MROH2B: variants seen among roughly 807,000 people sequenced by gnomAD.
MROH2B encodes maestro heat like repeat family member 2B.
Under a neutral mutation model 208.6 loss-of-function variants are expected in MROH2B, and 177 were observed. The ratio of observed to expected loss-of-function variants is 0.85; its 90% CI spans 0.75 to 0.96. MROH2B has a LOEUF of 0.96. MROH2B is among the 40% of genes least tolerant of loss of function. The probability of loss-of-function intolerance (pLI) is 0.00; values close to 1 mark genes in which losing one functional copy is unlikely to be tolerated. For synonymous variants in MROH2B, 728 were observed against 659.0 expected (o/e 1.10, Z -1.60); for missense variants, 2,002 against 1,878.7 (o/e 1.07, Z -1.21).
Position 41,004,492 on chromosome 5 carries a change from T to C in MROH2B, c.4048A>G (p.Ile1350Val), listed in dbSNP as rs538838769. Residue 1350 changes from isoleucine (I) to valine (V), a missense_variant, in exon 37 of 42, where the codon ATC becomes GTC. Ile to Val is a conservative substitution (Grantham distance 29). Transcript: ENST00000399564. ...KHKQLMLESIIRGLYHLARTE... is the reference protein window; with the variant it reads ...KHKQLMLESIVRGLYHLARTE... The stretch of plus-strand genomic sequence containing the variant: ...CGAGCTAGGTGATACAGGCCTCTGA[T>C]GATAGATTCTAGCATTAACTGCTTA... The C allele has an allele frequency of 1.9e-5, 31 of 1,612,844 alleles. No homozygotes were observed. In the South Asian group the frequency reaches 3.0e-4, roughly 15 times the overall value.
At chr5:41,053,491 TTC>T (rs1325741607) in intron 11 of MROH2B, among the ~76,000 whole-genome samples, 12 of 152,192 alleles carry the variant, frequency 7.9e-5, no homozygotes, top group Non-Finnish European at 1.5e-4. Flanking sequence ...ATTGTGTTGC[TTC>T]TCTGGAGGAT....
rs1401018203 is a variant in MROH2B, at chr5:41,048,192, ATCTACCT to A, written c.1684+125_1684+131del. The A allele has an allele frequency of 9.2e-4, 1,028 of 1,115,050 alleles. 1 individual carries two copies. Among genetic ancestry groups the A allele is most frequent in the Non-Finnish European group, 1.2e-3 (981 of 817,344 alleles). 69.1% of individuals were successfully genotyped at this position (1,115,050 alleles called of 1,614,324 possible). ...AGGAGTTAAGAAGAAAAAAATAGCT[ATCTACCT>A]TGCATATCAAGTTCATCATTTTTAT... is the stretch of plus-strand genomic sequence containing the variant. On this transcript the variant is annotated intron_variant, in intron 16 of 41. Coordinates refer to ENST00000399564, the MANE Select transcript of MROH2B (RefSeq NM_173489.5).
intron 37 of MROH2B, among the ~76,000 whole-genome samples, chr5:41,001,999 A>G (rs903416322): frequency 6.6e-6 from 1 of 152,204 alleles, no homozygotes; most frequent in African/African-American, 2.4e-5. Flanking sequence ...CTTGTTGGGA[A>G]GAGGCCAGAA....
chr5:40,999,738 G>A lies in MROH2B; in HGVS notation c.4524C>T (p.His1508=). The change falls in exon 40 of 42, where the codon CAC becomes CAT. Residue 1508 remains histidine (H), a synonymous_variant. Coordinates refer to ENST00000399564, the MANE Select transcript of MROH2B (RefSeq NM_173489.5). ...AGGTGCTGGTGAAGAAGGTGAAGGA[G>A]TGTGTGTGGAGGATCCACAGAATTT... The part of the protein sequence containing the change: ...NQEILWILHT[H]SFTFFTSTWE... 1.2e-6 allele frequency: 2 copies of A among 1,613,706 alleles called. No individual in the cohort carries two copies. Among genetic ancestry groups the A allele is most frequent in the Non-Finnish European group, 1.7e-6 (2 of 1,179,654 alleles).
At chr5:40,999,977 A>G in intron 39 of MROH2B, 198 bp from the exon 40 acceptor site, 2 of 679,094 alleles carry the variant, frequency 2.9e-6, no homozygotes, top group Non-Finnish European at 4.9e-6. Flanking sequence ...GGGATTAATC[A>G]ACAGATATGA....
chr5:41,047,741 A>T lies in MROH2B; in HGVS notation c.1708T>A (p.Trp570Arg). The T allele has an allele frequency of 6.3e-7, 1 of 1,595,222 alleles. No homozygotes were observed. Residue 570 changes from tryptophan to arginine, a missense_variant, in exon 17 of 42, where the codon TGG becomes AGG. Transcript: ENST00000399564. ...LEGKNISTVL[W>R]ETMLLQLLKE... ...CTTACCTGAAGCAGCATGGTTTCCC[A>T]TAGAACGGTACTGATGTTCTTTCCT...
At chr5:41,026,414 C>A (rs1415669418) in intron 24 of MROH2B, among the ~76,000 whole-genome samples, 3 of 152,138 alleles carry the variant, frequency 2.0e-5, no homozygotes, top group African/African-American at 7.2e-5. Flanking sequence ...AGAGCCAAAT[C>A]ATGAGTGAAC....
chr5:41,056,774 C>CAAAAAAA (rs34263761), intron 9 of MROH2B, among the ~76,000 whole-genome samples: 1 of 114,748 alleles, frequency 8.7e-6, no homozygotes. Context: ...TCTCAAATAC[C>CAAAAAAA]AAAAAAAAAA....
chr5:41,015,364 C>A lies in MROH2B; in HGVS notation c.2982+17G>T, dbSNP rs777183892. 5.0e-6 allele frequency: 8 copies of A among 1,603,472 alleles called. No homozygotes were observed. In the African/African-American group the frequency reaches 9.4e-5, roughly 19 times the overall value. ...ATCCAGAATCTTTACATCCCCTGGC[C>A]ACTCCATATTTATTACCTTAGCTAT... On this transcript the variant is annotated intron_variant, in intron 29 of 41. Coordinates refer to ENST00000399564, the MANE Select transcript of MROH2B (RefSeq NM_173489.5).
chr5:41,061,812 T>A, intron 5 of MROH2B, 88 bp from the exon 6 acceptor site: 1 of 1,353,414 alleles, frequency 7.4e-7, no homozygotes, highest in South Asian at 1.5e-5. Flanking sequence ...TGCTGATGAT[T>A]AGTAAATATG....
At chr5:41,058,567 C>A (rs1344243485) in intron 6 of MROH2B, among the ~76,000 whole-genome samples, 2 of 152,136 alleles carry the variant, frequency 1.3e-5, no homozygotes, top group Non-Finnish European at 2.9e-5. Flanking sequence ...AAGCAATTCT[C>A]CCGCCTCAGC....
intron 29 of MROH2B, among the ~76,000 whole-genome samples, chr5:41,014,252 G>A (rs1433920616): frequency 6.6e-6 from 1 of 152,118 alleles, no homozygotes; most frequent in African/African-American, 2.4e-5. Flanking sequence ...GTGCCCTTTT[G>A]CATTTCAAAA....
At chr5:41,000,439 A>T in intron 38 of MROH2B, 88 bp from the exon 39 acceptor site, 1 of 1,513,662 alleles carries the variant, frequency 6.6e-7, no homozygotes, top group Non-Finnish European at 8.9e-7. Flanking sequence ...CTGGGAAAGA[A>T]GCACTAAAAG....
chr5:41,048,572 T>A, intron 15 of MROH2B, 107 bp from the exon 16 acceptor site: 2 of 1,214,864 alleles, frequency 1.6e-6, no homozygotes, highest in Non-Finnish European at 2.2e-6. Context: ...CTGCATTGGA[T>A]AATCTTTTAA....
intron 1 of MROH2B, among the ~76,000 whole-genome samples, 163 bp from the exon 2 acceptor site, chr5:41,069,915 A>G (rs1394536049): frequency 6.6e-6 from 1 of 152,120 alleles, no homozygotes; most frequent in Non-Finnish European, 1.5e-5. Flanking sequence ...ATTCATATCC[A>G]TGACATAAAT....
At chr5:41,027,958 T>A (rs560342026) in intron 24 of MROH2B, among the ~76,000 whole-genome samples, 1 of 151,960 alleles carries the variant, frequency 6.6e-6, no homozygotes, top group South Asian at 2.1e-4. Context: ...AAACACCGCT[T>A]GTTCTCACTC....
rs775517002 is a variant in MROH2B at position 41,069,677 on chromosome 5, T to C, written c.90+14A>G. On this transcript the variant is annotated intron_variant, in intron 2 of 41. Coordinates refer to ENST00000399564, the MANE Select transcript of MROH2B (RefSeq NM_173489.5). The stretch of plus-strand genomic sequence containing the variant: ...ACTGAAAAAGGGAAAAAGATTTTTC[T>C]CTGTTTTCCCTACCTTGTTAACAAT... 3 of 1,584,832 alleles carry C rather than the reference T, an allele frequency of 1.9e-6. No homozygotes were observed. The highest frequency in any genetic ancestry group is 2.6e-6 in the Non-Finnish European group (3 of 1,162,034).
In MROH2B at chr5:41,017,902, G is replaced by C; in HGVS notation, c.2832C>G (p.Pro944=). The C allele has an allele frequency of 6.3e-7, 1 of 1,589,674 alleles. No homozygotes were observed. The highest frequency in any genetic ancestry group is 2.3e-5 in the East Asian group (1 of 44,218). The change falls in exon 28 of 42, where the codon CCC becomes CCG. Residue 944 remains proline (P), a synonymous_variant. Transcript: ENST00000399564. ...LLAPHSCDTL[P]TIRQAAASST... ...AGCTAGCAGCCGCCTGACGGATGGT[G>C]GGCAGGGTATCACAGGAGTGAGGAG...
In MROH2B at chr5:41,009,978, G is replaced by C. The variant is rs753325044; in HGVS notation, c.3237C>G (p.Ser1079Arg). ...TGACAACAACTGTATCCATGTGAAA[G>C]CTGGCTATCTGGGAGATGGCTTCTA... ...FILEAISQIA[S>R]FHMDTVVVNL... The change falls in exon 31 of 42, where the codon AGC becomes AGG. Residue 1079 changes from serine to arginine, a missense_variant. By Grantham distance (110) the Ser-to-Arg change is moderately radical (BLOSUM62 -1). Coordinates refer to ENST00000399564, the MANE Select transcript of MROH2B (RefSeq NM_173489.5). 128 of 1,613,730 alleles carry C rather than the reference G, an allele frequency of 7.9e-5. No homozygotes were observed. The highest frequency in any genetic ancestry group is 1.1e-4 in the Non-Finnish European group (124 of 1,179,816).
Sources: gnomAD v4.1 joint callset for allele counts (sites outside exome capture counted in the v4.1 genomes callset) on GRCh38, gnomAD v4.1.1 for gene constraint, MANE v1.5 for transcripts, NCBI Gene and HGNC (gene_info 2026-07-23, HGNC 2026-07-21) for gene names.